The following ULK4 variants were observed in gnomAD, a reference collection of about 807,000 sequenced individuals.
ULK4 encodes unc-51 like kinase 4, also known as inactive serine/threonine-protein kinase ULK4.
Under a neutral mutation model 160.6 loss-of-function variants are expected in ULK4, and 133 were observed. The observed-to-expected ratio is 0.83, with a 90% confidence interval of 0.72 to 0.96. ULK4 has a LOEUF of 0.96. Among genes scored for constraint, ULK4 ranks in the 40% least tolerant of loss-of-function variants. The pLI is 0.00. For synonymous variants in ULK4, 534 were observed against 539.8 expected (o/e 0.99, Z 0.15); for missense variants, 1,580 against 1,499.5 (o/e 1.05, Z -0.89).
intron 35 of ULK4, among the ~76,000 whole-genome samples, chr3:41,358,076 C>T (rs2081061970): frequency 6.6e-6 from 1 of 152,172 alleles, no homozygotes; most frequent in East Asian, 1.9e-4. Flanking sequence ...ACTTTGGCTC[C>T]AGAACTTGTG....
At position 41,412,553 on chromosome 3, in the gene ULK4, ATTTTTTTTTT is replaced by A. The variant is rs57224854; in HGVS notation, c.3493-14299_3493-14290del. ...TAAAGGTCAATGGCAATGCAGTTGA[ATTTTTTTTTT>A]TTTTTTTTTTTTTTTGAGACAGAGT... is the stretch of plus-strand genomic sequence containing the variant. On this transcript the variant is annotated intron_variant, in intron 34 of 36. Coordinates refer to ENST00000301831, the MANE Select transcript of ULK4 (RefSeq NM_017886.4). Among the ~76,000 whole-genome samples the A allele has an allele frequency of 1.3e-3, 133 of 100,436 alleles. 2 individuals are homozygous for A. Among genetic ancestry groups the A allele is most frequent in the Non-Finnish European group, 2.2e-3 (113 of 50,736 alleles). 65.9% of individuals were successfully genotyped at this position (100,436 alleles called of 152,430 possible).
At chr3:41,886,047 A>G (rs1221141937) in intron 16 of ULK4, among the ~76,000 whole-genome samples, 7 of 152,164 alleles carry the variant, frequency 4.6e-5, no homozygotes, top group Admixed American at 4.6e-4. Context: ...GTAATTACTC[A>G]TCTTTCACGT....
chr3:41,780,143 C>T (rs1244379769), intron 21 of ULK4, among the ~76,000 whole-genome samples: 3 of 151,644 alleles, frequency 2.0e-5, no homozygotes, highest in Non-Finnish European at 4.4e-5. Context: ...GAAACCCAGT[C>T]TCTACCGAAA....
chr3:41,960,369 C>CT (rs11456275), intron 1 of ULK4, among the ~76,000 whole-genome samples: 25,255 of 135,042 alleles, frequency 0.19, 2,202 homozygotes, highest in Middle Eastern at 0.32. Flanking sequence ...AAATGATTTT[C>CT]TTTTTTTTTT....
chr3:41,683,450 A>G (rs1243316504), intron 27 of ULK4, among the ~76,000 whole-genome samples: 1 of 151,688 alleles, frequency 6.6e-6, no homozygotes, highest in African/African-American at 2.4e-5. Flanking sequence ...CCAGCAGGAC[A>G]GCTGGACGTG....
chr3:41,506,898 C>T (rs1007775715), intron 32 of ULK4, among the ~76,000 whole-genome samples: 8 of 146,882 alleles, frequency 5.4e-5, no homozygotes, highest in East Asian at 4.0e-4. Context: ...TAGCAGAATG[C>T]GCATTGGCGG....
chr3:41,575,080 G>A (rs567445677), intron 31 of ULK4, among the ~76,000 whole-genome samples: 2 of 152,256 alleles, frequency 1.3e-5, no homozygotes, highest in South Asian at 2.1e-4. Flanking sequence ...CTTTCAATCC[G>A]GCATTATGAT....
chr3:41,267,875 G>C (rs1005594913), intron 35 of ULK4, among the ~76,000 whole-genome samples: 1 of 152,160 alleles, frequency 6.6e-6, no homozygotes. Context: ...CACTGAGAAA[G>C]AATGAAGGAG....
At chr3:41,453,980 G>A (rs1239199742) in intron 34 of ULK4, among the ~76,000 whole-genome samples, 1 of 127,184 alleles carries the variant, frequency 7.9e-6, no homozygotes. Flanking sequence ...TGAACAATGA[G>A]AACACTTGGA....
intron 35 of ULK4, among the ~76,000 whole-genome samples, chr3:41,388,652 T>G (rs2081880325): frequency 6.6e-6 from 1 of 152,158 alleles, no homozygotes. Flanking sequence ...CATTTCTTGT[T>G]TTTGTCAGGT....
intron 32 of ULK4, among the ~76,000 whole-genome samples, chr3:41,542,280 G>A (rs905094524): frequency 2.0e-5 from 3 of 152,010 alleles, no homozygotes; most frequent in East Asian, 1.9e-4. Context: ...ATAATCATGT[G>A]GTTTTTGTCA....
In ULK4 at chr3:41,370,276, A is replaced by G. The variant is rs143718464; in HGVS notation, c.3678+27803T>C. On this transcript the variant is annotated intron_variant, in intron 35 of 36. Transcript: ENST00000301831. Reference sequence around the variant, plus strand: ...TTTGGAGATGCAATTAATGAAATCCATAATGTTTCTAGAAGTGTTTCATAG... The same window carrying G: ...TTTGGAGATGCAATTAATGAAATCCGTAATGTTTCTAGAAGTGTTTCATAG... 2.5e-3 allele frequency among the ~76,000 whole-genome samples: 377 copies of G among 152,342 alleles called. 1 individual carries two copies. Among genetic ancestry groups the G allele is most frequent in the Non-Finnish European group, 4.2e-3 (284 of 68,038 alleles).
At chr3:41,603,621 T>G (rs193117555) in intron 31 of ULK4, among the ~76,000 whole-genome samples, 3 of 151,544 alleles carry the variant, frequency 2.0e-5, no homozygotes, top group Admixed American at 2.0e-4. Flanking sequence ...AACATAAAGA[T>G]AAAACAAATC....
chr3:41,381,288 T>G (rs1185101152), intron 35 of ULK4, among the ~76,000 whole-genome samples: 1 of 152,180 alleles, frequency 6.6e-6, no homozygotes, highest in Non-Finnish European at 1.5e-5. Flanking sequence ...AACCTATACC[T>G]GGTCACTACC....
At chr3:41,815,127 T>A (rs2040927571) in intron 19 of ULK4, among the ~76,000 whole-genome samples, 1 of 152,234 alleles carries the variant, frequency 6.6e-6, no homozygotes, top group Non-Finnish European at 1.5e-5. Context: ...CAGACTGTTC[T>A]TGAACTCCTG....
At chr3:41,797,276 A>T (rs1316354369) in intron 20 of ULK4, among the ~76,000 whole-genome samples, 3 of 152,232 alleles carry the variant, frequency 2.0e-5, no homozygotes, top group Non-Finnish European at 4.4e-5. Flanking sequence ...TATGAGCTAC[A>T]AAACCCAAAA....
At chr3:41,310,079 A>G (rs1470982216) in intron 35 of ULK4, among the ~76,000 whole-genome samples, 10 of 152,206 alleles carry the variant, frequency 6.6e-5, no homozygotes, top group Admixed American at 1.3e-4. Context: ...ATCTGTTGTG[A>G]AGGCTCCTCA....
intron 32 of ULK4, among the ~76,000 whole-genome samples, chr3:41,469,537 C>G (rs753475387): frequency 5.7e-5 from 8 of 139,738 alleles, no homozygotes; most frequent in Non-Finnish European, 9.0e-5. Context: ...TCTGCCTGCC[C>G]ATGGCCATCA....
chr3:41,732,864 C>A (rs936165219), intron 22 of ULK4, among the ~76,000 whole-genome samples: 3 of 151,990 alleles, frequency 2.0e-5, no homozygotes, highest in Non-Finnish European at 4.4e-5. Context: ...GTGAAATAAT[C>A]CAGGCATGAT....
Sources: allele counts gnomAD v4.1 joint callset (sites outside exome capture counted in the v4.1 genomes callset), GRCh38; gene constraint gnomAD v4.1.1; transcripts MANE v1.5; gene names NCBI Gene and HGNC (gene_info 2026-07-23, HGNC 2026-07-21).